Variants in NFATC2 observed in about 807,000 individuals in gnomAD.
NFATC2 encodes nuclear factor of activated T-cells, cytoplasmic 2.
In NFATC2, 22 loss-of-function variants were observed where a neutral mutation model predicts 87.3. The ratio of observed to expected loss-of-function variants is 0.25; its 90% CI spans 0.18 to 0.36. The LOEUF (loss-of-function observed/expected upper bound fraction) is 0.36, where lower values mean the gene tolerates loss of function less well. NFATC2 is among the 10% of genes least tolerant of loss of function. The pLI is 1.00. For missense variants in NFATC2, 1,149 were observed against 1,259.1 expected (o/e 0.91, Z 1.32); for synonymous variants, 565 against 542.2 (o/e 1.04, Z -0.58).
At chr20:51,391,849 C>T (rs1017061839) in intron 10 of NFATC2, among the ~76,000 whole-genome samples, 2 of 151,922 alleles carry the variant, frequency 1.3e-5, no homozygotes, top group Non-Finnish European at 2.9e-5. Flanking sequence ...TGTTGTTGTT[C>T]CTTGTGCTTG....
chr20:51,491,284 T>TA (rs879352877), intron 3 of NFATC2, among the ~76,000 whole-genome samples: 75 of 143,332 alleles, frequency 5.2e-4, no homozygotes, highest in East Asian at 8.0e-4. Flanking sequence ...TGGACAAGGT[T>TA]AAAAAAAAAA....
chr20:51,403,544 T>G (rs1988266253), intron 9 of NFATC2, among the ~76,000 whole-genome samples: 1 of 152,174 alleles, frequency 6.6e-6, no homozygotes, highest in African/African-American at 2.4e-5. Context: ...GCCAAATTCC[T>G]ATATTGAAGC....
intron 5 of NFATC2, among the ~76,000 whole-genome samples, chr20:51,457,054 A>G (rs1986618404): frequency 6.6e-6 from 1 of 152,234 alleles, no homozygotes; most frequent in Non-Finnish European, 1.5e-5. Flanking sequence ...TGCCGGCTAC[A>G]AGGATAGATT....
chr20:51,440,872 C>T (rs1984234972), intron 6 of NFATC2, among the ~76,000 whole-genome samples: 2 of 152,226 alleles, frequency 1.3e-5, no homozygotes, highest in Admixed American at 6.5e-5. Context: ...TTTTCCCAGG[C>T]TCCTCCTCCC....
Position 51,480,559 on chromosome 20 carries a change from C to T in NFATC2, c.1333-4899G>A, listed in dbSNP as rs988748267. On this transcript the variant is annotated intron_variant, in intron 3 of 10. Coordinates refer to ENST00000371564, the MANE Select transcript of NFATC2 (RefSeq NM_012340.5). The surrounding 1 kb of genome is among the most constrained non-coding windows in gnomAD (Gnocchi z 4.2). ...ACTGGTGAGGGTCCCTTCCCCGCCTCCCCGGGTAACACCAGAAAGCAGTGT... is the reference window on the plus strand; with the variant it reads ...ACTGGTGAGGGTCCCTTCCCCGCCTTCCCGGGTAACACCAGAAAGCAGTGT... Among the ~76,000 whole-genome samples the T allele has an allele frequency of 6.6e-6, 1 of 152,168 alleles. No homozygotes were observed. The highest frequency in any genetic ancestry group is 2.4e-5 in the African/African-American group (1 of 41,430).
chr20:51,398,479 G>A (rs1470090472), intron 10 of NFATC2, among the ~76,000 whole-genome samples, 164 bp downstream of exon 10: 1 of 152,036 alleles, frequency 6.6e-6, no homozygotes, highest in African/African-American at 2.4e-5. Context: ...CCCCAGGAGT[G>A]TCCACTTCAG....
chr20:51,526,160 T>C (rs760229376), intron 1 of NFATC2, among the ~76,000 whole-genome samples: 1 of 152,094 alleles, frequency 6.6e-6, no homozygotes, highest in Non-Finnish European at 1.5e-5. Context: ...TTTTCTCCAC[T>C]GACGCCTGCT....
chr20:51,519,300 G>T (rs1203963031), intron 2 of NFATC2, among the ~76,000 whole-genome samples: 1 of 152,010 alleles, frequency 6.6e-6, no homozygotes, highest in East Asian at 1.9e-4. Flanking sequence ...ACTTTTGTTT[G>T]GTTCCGAAGT....
intron 5 of NFATC2, among the ~76,000 whole-genome samples, chr20:51,461,362 T>G (rs567727401): frequency 6.6e-6 from 1 of 152,286 alleles, no homozygotes; most frequent in East Asian, 1.9e-4. Context: ...GCACCTTGCT[T>G]TTAAAGTCAT....
At chr20:51,560,264 A>G (rs1045175118) in intron 1 of NFATC2, among the ~76,000 whole-genome samples, 2 of 152,232 alleles carry the variant, frequency 1.3e-5, no homozygotes, top group African/African-American at 4.8e-5. Context: ...AGTGTGGCAC[A>G]GAGAAGTTAA....
chr20:51,497,072 C>T (rs967267713), intron 3 of NFATC2, among the ~76,000 whole-genome samples: 6 of 152,340 alleles, frequency 3.9e-5, no homozygotes, highest in Admixed American at 3.9e-4. Context: ...AGAAATGTCA[C>T]TCCCATCCTG....
intron 1 of NFATC2, among the ~76,000 whole-genome samples, chr20:51,541,224 C>T (rs2076811469): frequency 6.6e-6 from 1 of 152,096 alleles, no homozygotes; most frequent in South Asian, 2.1e-4. Flanking sequence ...CAGGCTTCCT[C>T]CACGAGCCAG....
Position 51,523,707 on chromosome 20 carries a change from G to A in NFATC2, c.534C>T (p.Phe178=). The change falls in exon 2 of 11, where the codon TTC becomes TTT. Residue 178 remains phenylalanine (F), a synonymous_variant. Transcript: ENST00000371564. This position sits in a 1 kb window ranked among gnomAD's most constrained non-coding sequence, Gnocchi z 6.9. ...TGTAGGGGGAGAAGGTGTCAGAAAT[G>A]AAGCTGGCAGAGGAGCCGCTGCTAG... ...SPASSGSSAS[F]ISDTFSPYTS... 1 of 1,612,536 alleles carries A rather than the reference G, an allele frequency of 6.2e-7. No homozygotes were observed. Among genetic ancestry groups the A allele is most frequent in the Non-Finnish European group, 8.5e-7 (1 of 1,179,148 alleles).
At chr20:51,488,752 C>G (rs1302963150) in intron 3 of NFATC2, among the ~76,000 whole-genome samples, 2 of 152,178 alleles carry the variant, frequency 1.3e-5, no homozygotes, top group Non-Finnish European at 2.9e-5. Context: ...ACCCCTGCAT[C>G]CAGCCTCTCG....
chr20:51,480,491 C>T lies in NFATC2; in HGVS notation c.1333-4831G>A, dbSNP rs1989156985. ...GTTGAAGAGCAGCCTCTGGGTTGAG[C>T]TGGGCTGGCTTATACAATGTGAGCA... On this transcript the variant is annotated intron_variant, in intron 3 of 10. Transcript: ENST00000371564. This position sits in a 1 kb window ranked among gnomAD's most constrained non-coding sequence, Gnocchi z 4.2. Among the ~76,000 whole-genome samples the T allele has an allele frequency of 6.6e-6, 1 of 152,168 alleles. No homozygotes were observed. Among genetic ancestry groups the T allele is most frequent in the Admixed American group, 6.5e-5 (1 of 15,278 alleles).
chr20:51,561,439 GA>G lies in NFATC2; in HGVS notation c.70+1120del, dbSNP rs765920682. On this transcript the variant is annotated intron_variant, in intron 1 of 10. Transcript: ENST00000414705. ...AAGAAAGAGAGAGAAAGAAAAGAAA[GA>G]AAGAAAGAAAGAAAGAAAGAAAGAA... 2.5e-3 allele frequency among the ~76,000 whole-genome samples: 206 copies of G among 82,932 alleles called. 2 individuals are homozygous for G. Among genetic ancestry groups the G allele is most frequent in the Non-Finnish European group, 3.9e-3 (160 of 40,696 alleles). The allele number at this position is 82,932 out of a possible 152,430, so 54.4% of individuals were successfully genotyped here.
At chr20:51,409,796 C>T (rs76103879) in intron 9 of NFATC2, among the ~76,000 whole-genome samples, 25 of 152,314 alleles carry the variant, frequency 1.6e-4, no homozygotes, top group Non-Finnish European at 2.9e-4. Context: ...TTCTTCAGTA[C>T]AAAGATGGCA....
intron 1 of NFATC2, among the ~76,000 whole-genome samples, chr20:51,555,421 G>A (rs1043452414): frequency 2.6e-5 from 4 of 151,954 alleles, no homozygotes; most frequent in African/African-American, 4.8e-5. Flanking sequence ...GTGAAACCCC[G>A]TCTCTACTAA....
intron 9 of NFATC2, among the ~76,000 whole-genome samples, chr20:51,427,275 C>A (rs1981973957): frequency 6.6e-6 from 1 of 152,172 alleles, no homozygotes; most frequent in Non-Finnish European, 1.5e-5. Context: ...GAATGCACCA[C>A]AGAGCGCTAG....
Sources: allele counts gnomAD v4.1 joint callset (sites outside exome capture counted in the v4.1 genomes callset), GRCh38; gene constraint gnomAD v4.1.1; non-coding constraint Gnocchi (gnomAD v3.1); transcripts MANE v1.5; gene names NCBI Gene and HGNC (gene_info 2026-07-23, HGNC 2026-07-21).